Variants in CEMIP2 observed in about 807,000 individuals in gnomAD.
The protein encoded by CEMIP2 is cell migration inducing hyaluronidase 2, also known as cell surface hyaluronidase CEMIP2.
Under a neutral mutation model 146.9 loss-of-function variants are expected in CEMIP2, and 79 were observed. The observed-to-expected ratio is 0.54, with a 90% CI of 0.45 to 0.65. The LOEUF (loss-of-function observed/expected upper bound fraction) is 0.65, where lower values mean the gene tolerates loss of function less well. Ranked by LOEUF, CEMIP2 falls within the 30% of genes least tolerant of loss-of-function variation. The pLI is 0.00. For synonymous variants in CEMIP2, 601 were observed against 606.3 expected, an observed-to-expected ratio of 0.99 and a Z score of 0.13; for missense variants, 1,596 against 1,696.2, an observed-to-expected ratio of 0.94 and a Z score of 1.04.
At chr9:71,748,333 C>T (rs556366586) in intron 2 of CEMIP2, among the ~76,000 whole-genome samples, 9 of 152,154 alleles carry the variant, frequency 5.9e-5, no homozygotes, top group Non-Finnish European at 1.2e-4. Context: ...CAGCTACCCA[C>T]TTGAAGAGCA....
At chr9:71,750,745 C>T (rs1824228122) in intron 1 of CEMIP2, among the ~76,000 whole-genome samples, 1 of 151,810 alleles carries the variant, frequency 6.6e-6, no homozygotes, top group African/African-American at 2.4e-5. Flanking sequence ...CCGCAACTCG[C>T]CTTTAATTTC....
intron 5 of CEMIP2, among the ~76,000 whole-genome samples, chr9:71,738,925 G>A (rs937644119): frequency 6.6e-6 from 1 of 152,128 alleles, no homozygotes; most frequent in African/African-American, 2.4e-5. Flanking sequence ...TTTAAAGCCA[G>A]AAGGTTAGAT....
At position 71,745,418 on chromosome 9, in the gene CEMIP2, C is replaced by T. The variant is rs762039271; in HGVS notation, c.634G>A (p.Glu212Lys). 1 of 1,614,022 alleles carries T rather than the reference C, an allele frequency of 6.2e-7. No homozygotes were observed. The highest frequency in any genetic ancestry group is 8.5e-7 in the Non-Finnish European group (1 of 1,180,028). The stretch of plus-strand genomic sequence containing the variant: ...TTTTTGCCAAATGTTGGCATACTTT[C>T]ACCTTCATCTGACTTGCCATACAAG... The part of the protein sequence containing the change: ...ITLYGKSDEG[E>K]SMPTFGKKFI... The change falls in exon 4 of 24, where the codon GAA (glutamate) becomes AAA (lysine). Residue 212 changes from glutamate (E) to lysine (K), a missense_variant. Glu to Lys is a moderately conservative substitution (Grantham distance 56, BLOSUM62 1). Coordinates refer to ENST00000377044, the MANE Select transcript of CEMIP2 (RefSeq NM_013390.3).
At chr9:71,715,314 G>A (rs898629090) in intron 14 of CEMIP2, among the ~76,000 whole-genome samples, 1 of 141,032 alleles carries the variant, frequency 7.1e-6, no homozygotes, top group African/African-American at 2.6e-5. Flanking sequence ...CAAGAACATG[G>A]TTCACTGCAG....
chr9:71,699,553 G>T (rs1822499539), intron 19 of CEMIP2: 1 of 315,296 alleles, frequency 3.2e-6, no homozygotes, highest in Admixed American at 3.6e-5. Context: ...TGGCTGGTGG[G>T]GGACTGGGAG....
intron 22 of CEMIP2, among the ~76,000 whole-genome samples, chr9:71,688,713 T>C (rs1822143374): frequency 6.6e-6 from 1 of 152,060 alleles, no homozygotes; most frequent in South Asian, 2.1e-4. Flanking sequence ...AAAGCAGTGG[T>C]GACACAATCT....
At chr9:71,760,109 A>C (rs1248424259) in intron 1 of CEMIP2, among the ~76,000 whole-genome samples, 1 of 152,116 alleles carries the variant, frequency 6.6e-6, no homozygotes, top group Non-Finnish European at 1.5e-5. Flanking sequence ...TTACTTTTGT[A>C]TTAAGCTATA....
chr9:71,742,297 T>A (rs1410207596), intron 4 of CEMIP2, among the ~76,000 whole-genome samples: 1 of 152,202 alleles, frequency 6.6e-6, no homozygotes, highest in African/African-American at 2.4e-5. Flanking sequence ...AATGTCTCAA[T>A]ATATTATCTC....
At position 71,728,274 on chromosome 9, in the gene CEMIP2, T is replaced by A. The variant is rs1204807363; in HGVS notation, c.2049+1571A>T. 9.1e-3 allele frequency among the ~76,000 whole-genome samples: 90 copies of A among 9,906 alleles called. 23 individuals are homozygous for A. The South Asian group carries it at 0.11, about 12-fold the overall frequency. 6.5% of individuals were successfully genotyped at this position (9,906 alleles called of 152,430 possible). ...ATGTATATACACGTATATATATATATATATATGTATATATATATATATATA... is the reference window on the plus strand; with the variant it reads ...ATGTATATACACGTATATATATATAAATATATGTATATATATATATATATA... On this transcript the variant is annotated intron_variant, in intron 10 of 23. Transcript: ENST00000377044.
In CEMIP2 at chr9:71,693,207, C is replaced by G. The variant is rs188729164; in HGVS notation, c.3696+1302G>C. Among the ~76,000 whole-genome samples the G allele has an allele frequency of 2.1e-3, 325 of 152,330 alleles. 1 individual carries two copies. The highest frequency in any genetic ancestry group is 5.4e-3 in the South Asian group (26 of 4,828). Reference sequence around the variant, plus strand: ...ATTATGTTGCCCACCACTAAAAAAACCAAGCCCCTAAAAAGACCACATGAG... The same window carrying G: ...ATTATGTTGCCCACCACTAAAAAAAGCAAGCCCCTAAAAAGACCACATGAG... On this transcript the variant is annotated intron_variant, in intron 21 of 23. Transcript: ENST00000377044.
intron 12 of CEMIP2, among the ~76,000 whole-genome samples, chr9:71,719,091 C>T (rs1227696171): frequency 6.6e-6 from 1 of 152,060 alleles, no homozygotes; most frequent in Non-Finnish European, 1.5e-5. Context: ...ATAAGGCCAC[C>T]TATTTTTTTT....
intron 17 of CEMIP2, among the ~76,000 whole-genome samples, chr9:71,708,789 A>C (rs138308804): frequency 6.6e-6 from 1 of 152,272 alleles, no homozygotes; most frequent in Non-Finnish European, 1.5e-5. Context: ...CCTAATCTCC[A>C]GCTCTGTCCC....
intron 14 of CEMIP2, 118 bp from the exon 15 acceptor site, chr9:71,715,207 T>C: frequency 3.0e-6 from 3 of 1,010,496 alleles, no homozygotes; most frequent in Non-Finnish European, 4.2e-6. Context: ...ATAGCTTTTC[T>C]AATACACATT....
intron 1 of CEMIP2, among the ~76,000 whole-genome samples, chr9:71,758,366 T>C (rs1370243916): frequency 6.6e-6 from 1 of 152,202 alleles, no homozygotes; most frequent in East Asian, 1.9e-4. Flanking sequence ...CAAAACTTTA[T>C]CTAATGTGTT....
intron 1 of CEMIP2, among the ~76,000 whole-genome samples, chr9:71,759,838 A>C (rs1322168867): frequency 3.0e-5 from 2 of 66,332 alleles, no homozygotes; most frequent in Non-Finnish European, 2.9e-5. Context: ...TGGGGGGGGG[A>C]TGGCAGGGGG....
Position 71,706,240 on chromosome 9 carries a change from G to GAAA in CEMIP2, c.2986-1440_2986-1438dup, listed in dbSNP as rs35856513. Among the ~76,000 whole-genome samples, 239 of 134,764 alleles carry GAAA rather than the reference G, an allele frequency of 1.8e-3. 1 individual carries two copies. The highest frequency in any genetic ancestry group is 6.0e-3 in the African/African-American group (228 of 37,688). The allele number at this position is 134,764 out of a possible 152,430, so 88.4% of individuals were successfully genotyped here. ...ACAAAACTCCATCTCAAAAAAAAAG[G>GAAA]AAAAAAAAAAAAAGCACATATTCCA... On this transcript the variant is annotated intron_variant, in intron 17 of 23. Transcript: ENST00000377044.
intron 1 of CEMIP2, among the ~76,000 whole-genome samples, chr9:71,766,503 G>C (rs1018667772): frequency 6.6e-6 from 1 of 152,162 alleles, no homozygotes; most frequent in Non-Finnish European, 1.5e-5. Flanking sequence ...CCTCCAGCTT[G>C]TCTTTTCTTG....
At chr9:71,744,697 C>T (rs146394725) in intron 4 of CEMIP2, among the ~76,000 whole-genome samples, 9 of 152,276 alleles carry the variant, frequency 5.9e-5, no homozygotes, top group Admixed American at 1.3e-4. Context: ...CAGAAGGTAA[C>T]GAAAGGAAGA....
In CEMIP2 at chr9:71,685,795, T is replaced by C. The variant is rs372031398; in HGVS notation, c.3903A>G (p.Ser1301=). Reference sequence around the variant, plus strand: ...CTAATCCCAGAGGTACTAGTAAGTGTGAAATGTTTAACTGCTTTATTTCTC... The same window carrying C: ...CTAATCCCAGAGGTACTAGTAAGTGCGAAATGTTTAACTGCTTTATTTCTC... ...TRGEIKQLNI[S]HLLVPLGLAK... The change falls in exon 23 of 24, where the codon TCA becomes TCG. Residue 1301 remains serine (S), a synonymous_variant. Transcript: ENST00000377044. The C allele has an allele frequency of 2.5e-6, 4 of 1,613,968 alleles. No individual in the cohort carries two copies. The African/African-American group carries it at 5.3e-5, about 22-fold the overall frequency.
Sources: gnomAD v4.1 joint callset for allele counts (sites outside exome capture counted in the v4.1 genomes callset) on GRCh38, gnomAD v4.1.1 for gene constraint, MANE v1.5 for transcripts, NCBI Gene and HGNC (gene_info 2026-07-23, HGNC 2026-07-21) for gene names.